Variants in TCTN2 observed in about 807,000 individuals in gnomAD.
The protein encoded by TCTN2 is tectonic family member 2.
A neutral mutation model predicts 83.4 loss-of-function variants in TCTN2; 66 were observed. The ratio of observed to expected loss-of-function variants is 0.79; its 90% CI spans 0.65 to 0.97. The LOEUF (loss-of-function observed/expected upper bound fraction) is 0.97, where lower values mean the gene tolerates loss of function less well. Ranked by LOEUF, TCTN2 falls within the 50% of genes least tolerant of loss-of-function variation. The pLI, the probability that TCTN2 is intolerant of heterozygous loss-of-function variation, is 0.00. For synonymous variants in TCTN2, 301 were observed against 326.7 expected, an observed-to-expected ratio of 0.92 and a Z score of 0.85; for missense variants, 794 against 858.1, an observed-to-expected ratio of 0.93 and a Z score of 0.93.
chr12:123,677,281 T>G (rs971739309), intron 4 of TCTN2, among the ~76,000 whole-genome samples: 1 of 152,202 alleles, frequency 6.6e-6, no homozygotes, highest in Admixed American at 6.5e-5. Flanking sequence ...GTGGACCTTC[T>G]CCTTGTTCCG....
In TCTN2 at chr12:123,707,361, C is replaced by T. The variant is rs117153389; in HGVS notation, c.1985-243C>T. 4,898 of 622,830 alleles carry T rather than the reference C, an allele frequency of 7.9e-3. 37 individuals are homozygous for T. Among genetic ancestry groups the T allele is most frequent in the Admixed American group, 0.012 (480 of 38,522 alleles). The allele number at this position is 622,830 out of a possible 1,614,324, so 38.6% of individuals were successfully genotyped here. On this transcript the variant is annotated intron_variant, in intron 17 of 17. Coordinates refer to ENST00000303372, the MANE Select transcript of TCTN2 (RefSeq NM_024809.5). ...TCCTGGGTTCAGACAACTCTCGTGCCTCAGCCTTTGGAGTAGCTGGGATTA... is the reference window on the plus strand; with the variant it reads ...TCCTGGGTTCAGACAACTCTCGTGCTTCAGCCTTTGGAGTAGCTGGGATTA...
intron 7 of TCTN2, among the ~76,000 whole-genome samples, chr12:123,690,026 C>CT (rs1193626379): frequency 6.6e-6 from 1 of 152,130 alleles, no homozygotes; most frequent in African/African-American, 2.4e-5. Flanking sequence ...TCTTGAACTC[C>CT]TGGGCTCAAA....
chr12:123,691,815 T>A (rs1956045824), intron 8 of TCTN2, among the ~76,000 whole-genome samples: 1 of 150,496 alleles, frequency 6.6e-6, no homozygotes, highest in South Asian at 2.1e-4. Flanking sequence ...CGCTGCAACC[T>A]CCACCTCCCT....
In TCTN2 at chr12:123,673,620, G is replaced by T. The variant is rs375065995; in HGVS notation, c.273G>T (p.Val91=). Residue 91 remains valine, a synonymous_variant, in exon 4 of 18, where the codon GTG becomes GTT. Transcript: ENST00000303372. ...CAGCAATGTTTTCCTTTCAGAAGGT[G>T]TTGGAAGTGACAGTGAGGTGGAAGA... ...WSVTVIPGAK[V]LEVTVRWKRG... 2.5e-6 allele frequency: 4 copies of T among 1,614,214 alleles called. No homozygotes were observed. Among genetic ancestry groups the T allele is most frequent in the Non-Finnish European group, 3.4e-6 (4 of 1,180,040 alleles).
rs373992170 is a variant in TCTN2, at chr12:123,686,994, T to C, written c.723T>C (p.Leu241=). 2 of 1,614,010 alleles carry C rather than the reference T, an allele frequency of 1.2e-6. No homozygotes were observed. The highest frequency in any genetic ancestry group is 2.7e-5 in the African/African-American group (2 of 74,924). ...WFPFLCVQSP[L]ANTPFLGYFY... is the part of the protein sequence containing the mutation. The stretch of plus-strand genomic sequence containing the variant: ...CCTTTCTGTGTGTGCAGTCCCCCCT[T>C]GCCAACACACCCTTCCTTGGTTACT... Residue 241 remains leucine, a synonymous_variant, in exon 6 of 18, where the codon CTT becomes CTC. Transcript: ENST00000303372.
intron 13 of TCTN2, among the ~76,000 whole-genome samples, chr12:123,697,760 C>T (rs528682997): frequency 1.3e-5 from 2 of 152,186 alleles, no homozygotes; most frequent in East Asian, 3.9e-4. Flanking sequence ...TCCCAAAGTG[C>T]TGGGATTATA....
intron 7 of TCTN2, 36 bp downstream of exon 7, chr12:123,688,213 C>A: frequency 2.2e-5 from 30 of 1,349,352 alleles, no homozygotes; most frequent in Non-Finnish European, 2.6e-5. Context: ...AGACCGTTCT[C>A]TTTTTTTTTT....
intron 5 of TCTN2, among the ~76,000 whole-genome samples, chr12:123,681,149 C>G (rs951945659): frequency 6.6e-6 from 1 of 151,248 alleles, no homozygotes; most frequent in Admixed American, 6.6e-5. Context: ...AGTGCCAGCT[C>G]GGGAGGCTGA....
chr12:123,673,684 T>C lies in TCTN2; in HGVS notation c.337T>C (p.Phe113Leu). The C allele has an allele frequency of 6.2e-7, 1 of 1,614,226 alleles. No homozygotes were observed. The highest frequency in any genetic ancestry group is 8.5e-7 in the Non-Finnish European group (1 of 1,180,026). Residue 113 changes from phenylalanine (F) to leucine (L), a missense_variant, in exon 4 of 18, where the codon TTC becomes CTC. Phe to Leu is a conservative substitution (Grantham distance 22). Transcript: ENST00000303372. ...DWCSSNETDS[F>L]SESPCILQTL... ...GTGTTCCTCCAATGAGACAGATTCC[T>C]TCTCAGAGTCCCCCTGTATCCTCCA...
Position 123,692,621 on chromosome 12 carries a change from G to A in TCTN2, c.1034-37G>A, listed in dbSNP as rs375889322. ...TAAGTGTGATCATGGTAGGCCATGTGTACGCCTGTGGAAGTTAATTTATGT... is the reference window on the plus strand; with the variant it reads ...TAAGTGTGATCATGGTAGGCCATGTATACGCCTGTGGAAGTTAATTTATGT... On this transcript the variant is annotated intron_variant, in intron 8 of 17. Coordinates refer to ENST00000303372, the MANE Select transcript of TCTN2 (RefSeq NM_024809.5). The A allele has an allele frequency of 1.3e-4, 195 of 1,496,690 alleles. 1 individual carries two copies. Among genetic ancestry groups the A allele is most frequent in the Middle Eastern group, 1.0e-3 (6 of 5,856 alleles). 92.7% of individuals were successfully genotyped at this position (1,496,690 alleles called of 1,614,324 possible).
intron 3 of TCTN2, 85 bp downstream of exon 3, chr12:123,672,217 C>T: frequency 8.5e-7 from 1 of 1,177,498 alleles, no homozygotes; most frequent in Non-Finnish European, 1.3e-6. Context: ...TTTAACAAGG[C>T]ATGGCTTTCT....
chr12:123,684,120 T>G (rs915120239), intron 5 of TCTN2, among the ~76,000 whole-genome samples: 6 of 152,176 alleles, frequency 3.9e-5, no homozygotes, highest in African/African-American at 7.2e-5. Flanking sequence ...TGACGTATGA[T>G]TGGCATAGAA....
Position 123,679,195 on chromosome 12 carries a change from T to C in TCTN2, c.470T>C (p.Val157Ala), listed in dbSNP as rs1363263691. The change falls in exon 5 of 18, where the codon GTG (valine) becomes GCG (alanine). Residue 157 changes from valine (V) to alanine (A), a missense_variant. Transcript: ENST00000303372. ...TGTTGTGTGTACTTTTCAGAGAACG[T>C]GACTGTCATTCCTAACCAGGTGTAT... The part of the protein sequence containing the change: ...SSLTHNASEN[V>A]TVIPNQVYQP... The C allele has an allele frequency of 3.7e-6, 6 of 1,613,618 alleles. No homozygotes were observed. The highest frequency in any genetic ancestry group is 5.1e-6 in the Non-Finnish European group (6 of 1,179,532).
intron 4 of TCTN2, among the ~76,000 whole-genome samples, chr12:123,674,202 C>T (rs966330306): frequency 6.6e-6 from 1 of 151,820 alleles, no homozygotes; most frequent in Admixed American, 6.6e-5. Context: ...TCTTTCTCTA[C>T]TGTTTGCATC....
chr12:123,696,252 G>GT (rs146015594), intron 11 of TCTN2, 163 bp from the exon 12 acceptor site: 56 of 657,512 alleles, frequency 8.5e-5, no homozygotes, highest in Non-Finnish European at 9.8e-5. Context: ...TTTAGCTACT[G>GT]TTTTTTTTGA....
chr12:123,699,622 G>A lies in TCTN2; in HGVS notation c.1506-82G>A, dbSNP rs1361940241. 3.4e-6 allele frequency: 4 copies of A among 1,190,414 alleles called. No homozygotes were observed. The African/African-American group carries it at 4.5e-5, about 13-fold the overall frequency. 73.7% of individuals were successfully genotyped at this position (1,190,414 alleles called of 1,614,324 possible). ...CAGTTTTTAATTTAGGCACTCGGAA[G>A]TGAAACCCGGACATTCACTGGAAAT... On this transcript the variant is annotated intron_variant, in intron 13 of 17. Transcript: ENST00000303372.
chr12:123,691,560 T>A (rs1223247941), intron 8 of TCTN2, among the ~76,000 whole-genome samples: 2 of 152,202 alleles, frequency 1.3e-5, no homozygotes, highest in Non-Finnish European at 2.9e-5. Flanking sequence ...TTGATGGACA[T>A]GTGGGTTGTT....
chr12:123,704,755 T>C (rs1956211259), intron 15 of TCTN2, 67 bp downstream of exon 15: 6 of 1,535,600 alleles, frequency 3.9e-6, no homozygotes, highest in Non-Finnish European at 5.4e-6. Context: ...TCCCAAACAA[T>C]AGGGAAATGT....
chr12:123,697,916 A>G (rs1164242749), intron 13 of TCTN2, among the ~76,000 whole-genome samples: 3 of 148,172 alleles, frequency 2.0e-5, no homozygotes, highest in African/African-American at 7.5e-5. Context: ...GCTCGGGTGC[A>G]GTGGTGCAAT....
Sources: allele counts gnomAD v4.1 joint callset (sites outside exome capture counted in the v4.1 genomes callset), GRCh38; gene constraint gnomAD v4.1.1; transcripts MANE v1.5; gene names NCBI Gene and HGNC (gene_info 2026-07-23, HGNC 2026-07-21).